DIAPH2: variants seen among roughly 807,000 people sequenced by gnomAD.
The protein encoded by DIAPH2 is diaphanous related formin 2.
A neutral mutation model predicts 92.7 loss-of-function variants in DIAPH2; 35 were observed. The observed-to-expected ratio is 0.38, with a 90% CI of 0.29 to 0.50. DIAPH2 has a LOEUF of 0.50. Ranked by LOEUF, DIAPH2 falls within the 20% of genes least tolerant of loss-of-function variation. The probability of loss-of-function intolerance (pLI) is 0.94; values close to 1 mark genes in which losing one functional copy is unlikely to be tolerated. For missense variants in DIAPH2, 701 were observed against 819.5 expected (o/e 0.86, Z 1.77); for synonymous variants, 301 against 280.4 (o/e 1.07, Z -0.73).
At chrX:96,994,602 A>G (rs906479937) in intron 17 of DIAPH2, among the ~76,000 whole-genome samples, 2 of 111,461 alleles carry the variant, frequency 1.8e-5, no homozygotes, top group African/African-American at 6.5e-5. Flanking sequence ...ACATTGGTAT[A>G]AGGAAATACA....
intron 21 of DIAPH2, among the ~76,000 whole-genome samples, chrX:97,136,340 T>C (rs780559091): frequency 1.8e-5 from 2 of 112,094 alleles, no homozygotes; most frequent in South Asian, 7.6e-4. Context: ...GCTCATTTTA[T>C]AGATAACAAA....
At chrX:96,811,034 A>T (rs1193829753) in intron 4 of DIAPH2, among the ~76,000 whole-genome samples, 1 of 111,817 alleles carries the variant, frequency 8.9e-6, no homozygotes, top group African/African-American at 3.3e-5. Flanking sequence ...ACTTTAAAGT[A>T]GTATTTCCAA....
chrX:97,282,391 C>A, intron 23 of DIAPH2, among the ~76,000 whole-genome samples: 1 of 111,756 alleles, frequency 8.9e-6, no homozygotes, highest in Non-Finnish European at 1.9e-5. Flanking sequence ...CTCACTGCAA[C>A]CTCCGCCACC....
chrX:96,854,829 ATTTAATATTTTTGGACCATGGT>A (rs2065030029), intron 4 of DIAPH2, among the ~76,000 whole-genome samples: 1 of 106,670 alleles, frequency 9.4e-6, no homozygotes, highest in Non-Finnish European at 1.9e-5. Context: ...GCAATTTTCC[ATTTAATATTTTTGGACCATGGT>A]TGATTGCAGG....
rs1338779527 is a variant in DIAPH2 at position 97,582,670 on chromosome X, G to T, written c.3242-16583G>T. On this transcript the variant is annotated intron_variant, in intron 26 of 26. Coordinates refer to ENST00000324765, the MANE Select transcript of DIAPH2 (RefSeq NM_006729.5). The stretch of plus-strand genomic sequence containing the variant: ...TATGTGTCTTGGAGTTGCTCTTCTC[G>T]AGGAGTATCTTTGTGGCGTTCTCTG... Among the ~76,000 whole-genome samples, 38 of 107,550 alleles carry T rather than the reference G, an allele frequency of 3.5e-4. No homozygotes were observed. In the East Asian group the frequency reaches 4.1e-3, roughly 12 times the overall value. The allele number at this position is 107,550 out of a possible 115,157, so 93.4% of individuals were successfully genotyped here.
chrX:97,364,760 T>A (rs1432349960), intron 24 of DIAPH2, among the ~76,000 whole-genome samples: 1 of 3,015 alleles, frequency 3.3e-4, no homozygotes, highest in Non-Finnish European at 1.7e-3. Flanking sequence ...TCTCCTGGTG[T>A]TTTTTTTTTT....
At chrX:97,521,843 A>G (rs1361561232) in intron 26 of DIAPH2, among the ~76,000 whole-genome samples, 1 of 112,057 alleles carries the variant, frequency 8.9e-6, no homozygotes, top group Admixed American at 9.5e-5. Context: ...ACTAATACAA[A>G]TCTTAATTCT....
intron 21 of DIAPH2, among the ~76,000 whole-genome samples, chrX:97,118,344 A>G (rs2067030732): frequency 9.0e-6 from 1 of 111,515 alleles, no homozygotes; most frequent in African/African-American, 3.3e-5. Context: ...AAGAGAGCCT[A>G]ATGAGCCCGG....
chrX:96,970,943 C>A (rs2065923969), intron 17 of DIAPH2, among the ~76,000 whole-genome samples: 1 of 111,716 alleles, frequency 9.0e-6, no homozygotes, highest in African/African-American at 3.2e-5. Flanking sequence ...TGTCTCTTTT[C>A]ATTTATTCCA....
intron 17 of DIAPH2, among the ~76,000 whole-genome samples, chrX:96,991,172 T>A (rs924210487): frequency 9.1e-6 from 1 of 109,624 alleles, no homozygotes; most frequent in Non-Finnish European, 1.9e-5. Context: ...TGGAGTGCAA[T>A]GGCACGATCT....
chrX:97,187,042 A>C (rs1483215423), intron 22 of DIAPH2, among the ~76,000 whole-genome samples: 1 of 111,540 alleles, frequency 9.0e-6, no homozygotes, highest in Non-Finnish European at 1.9e-5. Context: ...TGTTACCAGG[A>C]ATGACTTCAT....
chrX:97,452,943 A>G (rs5967312), intron 26 of DIAPH2, among the ~76,000 whole-genome samples: 43,585 of 110,535 alleles, frequency 0.39, 6,110 homozygotes, highest in East Asian at 0.57. Context: ...GCCATCATAT[A>G]TTTTTCTCTT....
intron 15 of DIAPH2, among the ~76,000 whole-genome samples, chrX:96,953,277 A>G (rs190232494): frequency 9.0e-6 from 1 of 111,712 alleles, no homozygotes. Flanking sequence ...CCCCTCAATA[A>G]TACAGATGTC....
At chrX:97,293,278 G>C (rs1227548340) in intron 23 of DIAPH2, among the ~76,000 whole-genome samples, 2 of 83,587 alleles carry the variant, frequency 2.4e-5, no homozygotes, top group Non-Finnish European at 4.4e-5. Context: ...TTGAGACGGA[G>C]TCTAGCTCTG....
chrX:96,728,854 A>G (rs764812572), intron 1 of DIAPH2, among the ~76,000 whole-genome samples: 5 of 112,351 alleles, frequency 4.5e-5, no homozygotes, highest in Non-Finnish European at 7.5e-5. Context: ...TTCCCATTTG[A>G]AATGCTTTAA....
chrX:97,424,992 G>T (rs771142989), intron 25 of DIAPH2, among the ~76,000 whole-genome samples: 3 of 111,624 alleles, frequency 2.7e-5, no homozygotes, highest in East Asian at 2.8e-4. Context: ...TAGCATTAAA[G>T]AATTTTAATA....
chrX:97,203,646 C>T (rs1480530719), intron 22 of DIAPH2, among the ~76,000 whole-genome samples: 1 of 111,668 alleles, frequency 9.0e-6, no homozygotes, highest in Non-Finnish European at 1.9e-5. Flanking sequence ...CCTGAATAGA[C>T]CAATACCAAG....
rs1027436852 is a variant in DIAPH2 at position 96,912,817 on chromosome X, T to C, written c.732+265T>C. Among the ~76,000 whole-genome samples the C allele has an allele frequency of 1.8e-5, 2 of 110,826 alleles. 1 individual carries two copies. Among genetic ancestry groups the C allele is most frequent in the Non-Finnish European group, 3.8e-5 (2 of 52,907 alleles). ...CTTATGTTTCTGCTGTACTAATTAA[T>C]TGTAGACTAGTTATTACAGGCTTAT... On this transcript the variant is annotated intron_variant, in intron 7 of 26. Coordinates refer to ENST00000324765, the MANE Select transcript of DIAPH2 (RefSeq NM_006729.5).
At chrX:97,306,766 T>A (rs1485693082) in intron 23 of DIAPH2, among the ~76,000 whole-genome samples, 2 of 112,184 alleles carry the variant, frequency 1.8e-5, no homozygotes, top group Non-Finnish European at 3.8e-5. Flanking sequence ...TTATCCAAAT[T>A]AGCCTTATGG....
Sources: allele counts gnomAD v4.1 joint callset (sites outside exome capture counted in the v4.1 genomes callset), GRCh38; gene constraint gnomAD v4.1.1; transcripts MANE v1.5; gene names NCBI Gene and HGNC (gene_info 2026-07-23, HGNC 2026-07-21).